DIAPH2: variants seen among roughly 807,000 people sequenced by gnomAD.
The protein encoded by DIAPH2 is protein diaphanous homolog 2.
DIAPH2 carries 35 observed loss-of-function variants against 92.7 expected under a neutral mutation model. The observed-to-expected ratio is 0.38, with a 90% confidence interval of 0.29 to 0.50. The LOEUF (loss-of-function observed/expected upper bound fraction) is 0.50, where lower values mean the gene tolerates loss of function less well. Among genes scored for constraint, DIAPH2 ranks in the 20% least tolerant of loss-of-function variants. The pLI, the probability that DIAPH2 is intolerant of heterozygous loss-of-function variation, is 0.94. For synonymous variants in DIAPH2, 301 were observed against 280.4 expected, an observed-to-expected ratio of 1.07 and a Z score of -0.73; for missense variants, 701 against 819.5, an observed-to-expected ratio of 0.86 and a Z score of 1.77.
chrX:97,045,733 A>C (rs1018960519), intron 17 of DIAPH2, among the ~76,000 whole-genome samples: 1 of 111,119 alleles, frequency 9.0e-6, no homozygotes, highest in Non-Finnish European at 1.9e-5. Context: ...TGAAGAATAC[A>C]GTTGGAGGTG....
chrX:96,826,259 A>G (rs1318646466), intron 4 of DIAPH2, among the ~76,000 whole-genome samples: 2 of 110,160 alleles, frequency 1.8e-5, no homozygotes, highest in Non-Finnish European at 3.8e-5. Flanking sequence ...TCTACTAAAA[A>G]TACAAAAATT....
intron 26 of DIAPH2, among the ~76,000 whole-genome samples, chrX:97,515,383 C>T (rs968859459): frequency 2.1e-4 from 24 of 112,302 alleles, no homozygotes; most frequent in Middle Eastern, 4.6e-3. Flanking sequence ...GCACGGTGCG[C>T]GCACCCACTG....
chrX:97,380,786 A>G (rs145628974), intron 24 of DIAPH2, among the ~76,000 whole-genome samples: 2,756 of 111,465 alleles, frequency 0.025, 75 homozygotes, highest in African/African-American at 0.085. Context: ...TGAAAACAGC[A>G]CTAGTGACCA....
At chrX:97,491,496 C>T (rs941117065) in intron 26 of DIAPH2, among the ~76,000 whole-genome samples, 2 of 110,822 alleles carry the variant, frequency 1.8e-5, no homozygotes, top group Non-Finnish European at 3.8e-5. Flanking sequence ...TGGCAGCCTC[C>T]GCCTCCTGGG....
At chrX:97,000,194 G>A (rs955363206) in intron 17 of DIAPH2, among the ~76,000 whole-genome samples, 10 of 111,877 alleles carry the variant, frequency 8.9e-5, no homozygotes, top group Non-Finnish European at 1.1e-4. Context: ...AGAGAATAGG[G>A]TTAATGACAA....
chrX:97,251,752 G>A (rs779623511), intron 23 of DIAPH2, among the ~76,000 whole-genome samples: 2 of 111,657 alleles, frequency 1.8e-5, no homozygotes, highest in African/African-American at 6.5e-5. Context: ...AGGAAGGACA[G>A]AGCTCAGAAA....
At chrX:97,557,527 G>A (rs371277847) in intron 26 of DIAPH2, among the ~76,000 whole-genome samples, 6 of 111,626 alleles carry the variant, frequency 5.4e-5, no homozygotes, top group East Asian at 2.8e-4. Context: ...CAACAAGAGC[G>A]AAAGAATTGG....
intron 25 of DIAPH2, among the ~76,000 whole-genome samples, chrX:97,410,060 C>A (rs2069852234): frequency 8.9e-6 from 1 of 112,208 alleles, no homozygotes; most frequent in Non-Finnish European, 1.9e-5. Context: ...GAACAGACTG[C>A]CTCCTCAAGT....
chrX:97,321,301 A>C (rs771058226), intron 23 of DIAPH2, among the ~76,000 whole-genome samples: 1 of 110,926 alleles, frequency 9.0e-6, no homozygotes, highest in East Asian at 2.8e-4. Context: ...GTAGAAATCC[A>C]AAATAATGCA....
At chrX:96,933,658 C>A (rs912457438) in intron 10 of DIAPH2, among the ~76,000 whole-genome samples, 1 of 106,587 alleles carries the variant, frequency 9.4e-6, no homozygotes, top group African/African-American at 3.4e-5. Flanking sequence ...GGCTGGAGTG[C>A]AGTGGCGTGA....
intron 4 of DIAPH2, among the ~76,000 whole-genome samples, chrX:96,832,901 A>C (rs1179976277): frequency 9.0e-6 from 1 of 111,597 alleles, no homozygotes; most frequent in Non-Finnish European, 1.9e-5. Flanking sequence ...TGCTTGCCAA[A>C]TTATTTTTAG....
intron 23 of DIAPH2, among the ~76,000 whole-genome samples, chrX:97,290,064 C>A (rs1392300452): frequency 2.3e-5 from 2 of 85,107 alleles, no homozygotes; most frequent in Non-Finnish European, 4.7e-5. Context: ...CTTCCCTTGG[C>A]AGTAATTTAA....
Position 97,363,382 on chromosome X carries a change from C to T in DIAPH2, c.3009+15102C>T, listed in dbSNP as rs753614005. Among the ~76,000 whole-genome samples, 7 of 110,544 alleles carry T rather than the reference C, an allele frequency of 6.3e-5. No homozygotes were observed. The South Asian group carries it at 2.7e-3, about 43-fold the overall frequency. Reference sequence around the variant, plus strand: ...TATTAAAAACGCCAACTAGGCCAGGCGCAGTGGCTCACGCCTATAATCCCA... The same window carrying T: ...TATTAAAAACGCCAACTAGGCCAGGTGCAGTGGCTCACGCCTATAATCCCA... On this transcript the variant is annotated intron_variant, in intron 24 of 26. Coordinates refer to ENST00000324765, the MANE Select transcript of DIAPH2 (RefSeq NM_006729.5).
intron 17 of DIAPH2, among the ~76,000 whole-genome samples, chrX:96,990,597 T>A (rs2066063180): frequency 9.0e-6 from 1 of 111,544 alleles, no homozygotes; most frequent in Admixed American, 9.6e-5. Context: ...TTTTTATTGA[T>A]ACGTAATAGT....
chrX:97,545,246 A>C (rs1202440317), intron 26 of DIAPH2, among the ~76,000 whole-genome samples: 3 of 110,744 alleles, frequency 2.7e-5, no homozygotes, highest in Non-Finnish European at 5.7e-5. Context: ...TGCTACCTCA[A>C]ATCCAAAGCT....
intron 4 of DIAPH2, among the ~76,000 whole-genome samples, chrX:96,870,758 C>T (rs1464516318): frequency 9.0e-6 from 1 of 111,432 alleles, no homozygotes; most frequent in Non-Finnish European, 1.9e-5. Context: ...AGAAGGCTAG[C>T]GTTTTGAAAA....
At chrX:96,947,119 C>T (rs2065742763) in intron 14 of DIAPH2, among the ~76,000 whole-genome samples, 1 of 111,694 alleles carries the variant, frequency 9.0e-6, no homozygotes. Flanking sequence ...AATTAGCGGA[C>T]TTGTAAGAAG....
chrX:97,138,637 G>A (rs940565963), intron 21 of DIAPH2, among the ~76,000 whole-genome samples: 11 of 111,663 alleles, frequency 9.9e-5, no homozygotes, highest in Middle Eastern at 4.7e-3. Flanking sequence ...TGATAACTGC[G>A]CTTATTAAAA....
At chrX:97,273,392 T>G (rs751880515) in intron 23 of DIAPH2, among the ~76,000 whole-genome samples, 9 of 111,901 alleles carry the variant, frequency 8.0e-5, no homozygotes, top group Admixed American at 2.9e-4. Context: ...AGAACCTACA[T>G]TTACTGAATG....
Sources: allele counts gnomAD v4.1 joint callset (sites outside exome capture counted in the v4.1 genomes callset), GRCh38; gene constraint gnomAD v4.1.1; transcripts MANE v1.5; gene names NCBI Gene and HGNC (gene_info 2026-07-23, HGNC 2026-07-21).